LAMTOR3: variants seen among roughly 807,000 people sequenced by gnomAD.
LAMTOR3 encodes the protein ragulator complex protein LAMTOR3.
Under a neutral mutation model 20.3 loss-of-function variants are expected in LAMTOR3, and 14 were observed. The observed-to-expected ratio is 0.69, with a 90% CI of 0.46 to 1.08. LAMTOR3 has a LOEUF of 1.08. LAMTOR3 is among the 50% of genes least tolerant of loss of function. The probability of loss-of-function intolerance (pLI) is 0.00; values close to 1 mark genes in which losing one functional copy is unlikely to be tolerated. For synonymous variants in LAMTOR3, 40 were observed against 49.4 expected (o/e 0.81, Z 0.80); for missense variants, 125 against 143.7 (o/e 0.87, Z 0.67).
At chr4:99,885,005 T>C (rs574003939) in intron 5 of LAMTOR3, among the ~76,000 whole-genome samples, 3 of 151,590 alleles carry the variant, frequency 2.0e-5, no homozygotes, top group South Asian at 4.2e-4. Context: ...ATCAATTGAT[T>C]AGGAAACATC....
At chr4:99,882,095 A>C in intron 6 of LAMTOR3, 28 bp from the exon 7 acceptor site, 1 of 1,414,944 alleles carries the variant, frequency 7.1e-7, no homozygotes, top group Non-Finnish European at 9.7e-7. Context: ...AGAAAATTAC[A>C]TGTTAGAAAA....
chr4:99,882,473 A>G (rs1724844930), intron 6 of LAMTOR3, among the ~76,000 whole-genome samples: 1 of 152,154 alleles, frequency 6.6e-6, no homozygotes, highest in Non-Finnish European at 1.5e-5. Context: ...AGTCATTAAT[A>G]AGTTTATTTT....
intron 3 of LAMTOR3, 36 bp from the exon 4 acceptor site, chr4:99,887,390 T>C (rs1435713422): frequency 4.0e-6 from 4 of 1,008,606 alleles, no homozygotes; most frequent in Non-Finnish European, 5.4e-6. Flanking sequence ...TAAAAAAAGT[T>C]AAAATATAAA....
rs1213195528 is a variant in LAMTOR3 at position 99,881,763 on chromosome 4, C to A, written c.*231G>T. On this transcript the variant is annotated 3_prime_UTR_variant, in exon 7 of 7. Transcript: ENST00000499666. ...TCCATGGGAGCTGTGATAGACTGAACCATTTCTGTGGTATCCCTAGATCTC... is the reference window on the plus strand; with the variant it reads ...TCCATGGGAGCTGTGATAGACTGAAACATTTCTGTGGTATCCCTAGATCTC... 4.2e-6 allele frequency: 2 copies of A among 474,064 alleles called. No individual in the cohort carries two copies. Among genetic ancestry groups the A allele is most frequent in the Non-Finnish European group, 7.5e-6 (2 of 267,984 alleles). 29.4% of individuals were successfully genotyped at this position (474,064 alleles called of 1,614,324 possible).
At chr4:99,885,753 C>G in intron 4 of LAMTOR3, 78 bp from the exon 5 acceptor site, 1 of 1,234,154 alleles carries the variant, frequency 8.1e-7, no homozygotes. Context: ...TTTTCATAAA[C>G]CTCTTTTTAA....
chr4:99,885,692 T>C lies in LAMTOR3; in HGVS notation c.104-17A>G. The C allele has an allele frequency of 6.2e-7, 1 of 1,605,660 alleles. No homozygotes were observed. Among genetic ancestry groups the C allele is most frequent in the Non-Finnish European group, 8.5e-7 (1 of 1,175,540 alleles). On this transcript the variant is annotated splice_polypyrimidine_tract_variant and intron_variant, in intron 4 of 6. Coordinates refer to ENST00000499666, the MANE Select transcript of LAMTOR3 (RefSeq NM_021970.4). The stretch of plus-strand genomic sequence containing the variant: ...CATTTGCCACTAGAAAAATAAGTGA[T>C]TTAAATAAAAATTATGCAGAGGATA...
chr4:99,882,764 C>T (rs1724852504), intron 6 of LAMTOR3, among the ~76,000 whole-genome samples: 1 of 151,688 alleles, frequency 6.6e-6, no homozygotes, highest in Admixed American at 6.6e-5. Context: ...TTTGACAAAG[C>T]TAAGACATAA....
chr4:99,883,778 CAAA>C (rs368560480), intron 6 of LAMTOR3, among the ~76,000 whole-genome samples: 5 of 101,510 alleles, frequency 4.9e-5, no homozygotes, highest in Non-Finnish European at 4.2e-5. Flanking sequence ...TTCCTGTCTC[CAAA>C]AAAAAAAAAA....
chr4:99,892,183 A>C, intron 2 of LAMTOR3, 149 bp from the exon 3 acceptor site: 5 of 1,363,152 alleles, frequency 3.7e-6, no homozygotes, highest in Non-Finnish European at 4.8e-6. Flanking sequence ...TTGGATGTTT[A>C]CTAGTCACGC....
At chr4:99,887,222 C>T (rs1724944118) in intron 4 of LAMTOR3, 74 bp downstream of exon 4, 2 of 918,552 alleles carry the variant, frequency 2.2e-6, no homozygotes, top group Non-Finnish European at 1.7e-6. Context: ...GCCTGCTGTA[C>T]TACTCAGATG....
At chr4:99,883,104 T>G (rs1367507533) in intron 6 of LAMTOR3, among the ~76,000 whole-genome samples, 1 of 152,074 alleles carries the variant, frequency 6.6e-6, no homozygotes, top group African/African-American at 2.4e-5. Flanking sequence ...AAACTCAGAT[T>G]TAGTATATTT....
At chr4:99,885,888 C>T (rs1724917218) in intron 4 of LAMTOR3, among the ~76,000 whole-genome samples, 1 of 152,120 alleles carries the variant, frequency 6.6e-6, no homozygotes, top group Non-Finnish European at 1.5e-5. Context: ...AAAATGCTGA[C>T]TCTCACAATT....
chr4:99,893,491 G>T (rs142344479), intron 2 of LAMTOR3, among the ~76,000 whole-genome samples: 1 of 151,300 alleles, frequency 6.6e-6, no homozygotes, highest in Non-Finnish European at 1.5e-5. Flanking sequence ...ACACACACAC[G>T]TTACCATGTT....
chr4:99,889,714 A>G (rs1239414956), intron 3 of LAMTOR3, among the ~76,000 whole-genome samples: 1 of 152,186 alleles, frequency 6.6e-6, no homozygotes, highest in African/African-American at 2.4e-5. Flanking sequence ...TATGTTCTTC[A>G]GTTAAGTCTT....
chr4:99,889,790 C>T (rs1490573302), intron 3 of LAMTOR3, among the ~76,000 whole-genome samples: 1 of 152,040 alleles, frequency 6.6e-6, no homozygotes, highest in Non-Finnish European at 1.5e-5. Flanking sequence ...AAAAAGAGGA[C>T]CACAAAAATG....
At chr4:99,886,156 T>A (rs1185796808) in intron 4 of LAMTOR3, among the ~76,000 whole-genome samples, 2 of 152,226 alleles carry the variant, frequency 1.3e-5, no homozygotes, top group Admixed American at 6.5e-5. Context: ...TATTAATGAG[T>A]GCAGGGCTCA....
chr4:99,884,605 A>C (rs1724887319), intron 5 of LAMTOR3, among the ~76,000 whole-genome samples: 1 of 152,208 alleles, frequency 6.6e-6, no homozygotes, highest in Non-Finnish European at 1.5e-5. Context: ...ATCCTTATTG[A>C]TGAAATTAAA....
At chr4:99,885,170 C>A (rs923531479) in intron 5 of LAMTOR3, among the ~76,000 whole-genome samples, 1 of 151,948 alleles carries the variant, frequency 6.6e-6, no homozygotes, top group Admixed American at 6.6e-5. Context: ...GCAGCAAGAG[C>A]AAATTTAATA....
chr4:99,889,399 C>A (rs1428538856), intron 3 of LAMTOR3, among the ~76,000 whole-genome samples: 1 of 152,048 alleles, frequency 6.6e-6, no homozygotes, highest in Non-Finnish European at 1.5e-5. Flanking sequence ...TGATATACAC[C>A]TACAAAGGAA....
Sources: gnomAD v4.1 joint callset for allele counts (sites outside exome capture counted in the v4.1 genomes callset) on GRCh38, gnomAD v4.1.1 for gene constraint, MANE v1.5 for transcripts, NCBI Gene and HGNC (gene_info 2026-07-23, HGNC 2026-07-21) for gene names.